Variants in HPCAL1 observed in about 807,000 individuals in gnomAD.
HPCAL1 encodes the protein hippocalcin like 1, also known as hippocalcin-like protein 1.
A neutral mutation model predicts 17.1 loss-of-function variants in HPCAL1; 8 were observed. The ratio of observed to expected loss-of-function variants is 0.47; its 90% CI spans 0.27 to 0.84. HPCAL1 has a LOEUF of 0.84. HPCAL1 is among the 40% of genes least tolerant of loss of function. HPCAL1 has a pLI of 0.13. For missense variants in HPCAL1, 165 were observed against 271.1 expected, an observed-to-expected ratio of 0.61 and a Z score of 2.75; for synonymous variants, 112 against 111.4, an observed-to-expected ratio of 1.01 and a Z score of -0.03.
chr2:10,316,920 C>G (rs1026611830), intron 1 of HPCAL1, among the ~76,000 whole-genome samples: 1 of 152,114 alleles, frequency 6.6e-6, no homozygotes, highest in African/African-American at 2.4e-5. Flanking sequence ...AGGATCTTTA[C>G]CTATGATACC....
chr2:10,399,256 C>T (rs1161003086), intron 2 of HPCAL1, among the ~76,000 whole-genome samples: 29 of 76,906 alleles, frequency 3.8e-4, no homozygotes, highest in Middle Eastern at 7.4e-3. Flanking sequence ...ACCACCACCA[C>T]CACCATCACC....
chr2:10,400,320 C>G (rs1558519738), intron 2 of HPCAL1, among the ~76,000 whole-genome samples: 1 of 152,238 alleles, frequency 6.6e-6, no homozygotes, highest in Non-Finnish European at 1.5e-5. Context: ...CATACGGCAG[C>G]CCTCTGTGTC....
chr2:10,328,662 C>G (rs1273477068), intron 1 of HPCAL1, among the ~76,000 whole-genome samples: 4 of 152,210 alleles, frequency 2.6e-5, no homozygotes, highest in Non-Finnish European at 5.9e-5. Flanking sequence ...ACCGGCTCTC[C>G]TGAGTCTCCA....
At chr2:10,426,479 C>T (rs1307684813) in intron 4 of HPCAL1, 2 of 505,770 alleles carry the variant, frequency 4.0e-6, no homozygotes, top group Non-Finnish European at 7.2e-6. Context: ...TCAGCCACGT[C>T]CTGCTGAGCT....
At chr2:10,361,933 C>G (rs963661965) in intron 1 of HPCAL1, among the ~76,000 whole-genome samples, 13 of 152,188 alleles carry the variant, frequency 8.5e-5, no homozygotes, top group Admixed American at 2.0e-4. Context: ...GCCTCAGACT[C>G]CTGACCTCAA....
intron 1 of HPCAL1, among the ~76,000 whole-genome samples, chr2:10,383,523 C>T (rs1668103572): frequency 6.6e-6 from 1 of 152,042 alleles, no homozygotes; most frequent in African/African-American, 2.4e-5. Context: ...CCACCACACC[C>T]AGCTAATTTT....
At chr2:10,376,049 G>A (rs925603802) in intron 1 of HPCAL1, among the ~76,000 whole-genome samples, 10 of 152,166 alleles carry the variant, frequency 6.6e-5, no homozygotes, top group African/African-American at 1.4e-4. Context: ...CAATTTGGTC[G>A]ATTAAAAGAG....
At position 10,378,181 on chromosome 2, in the gene HPCAL1, G is replaced by T. The variant is rs1412121412; in HGVS notation, c.-110-18654G>T. On this transcript the variant is annotated intron_variant, in intron 1 of 4. Transcript: ENST00000307845. Reference sequence around the variant, plus strand: ...TGCCGTCTTGCAGAGTCAGGATTCTGCAGCTACTTGCCCAAGAAAAAGTAG... The same window carrying T: ...TGCCGTCTTGCAGAGTCAGGATTCTTCAGCTACTTGCCCAAGAAAAAGTAG... 2.0e-5 allele frequency among the ~76,000 whole-genome samples: 3 copies of T among 148,428 alleles called. No individual in the cohort carries two copies. The East Asian group carries it at 5.9e-4, about 29-fold the overall frequency.
chr2:10,334,911 C>T (rs2125429257), intron 1 of HPCAL1, among the ~76,000 whole-genome samples: 1 of 152,326 alleles, frequency 6.6e-6, no homozygotes, highest in East Asian at 1.9e-4. Flanking sequence ...CTCCTGAGCG[C>T]AAGTGAGCCA....
chr2:10,404,396 G>A (rs1669845820), intron 2 of HPCAL1, among the ~76,000 whole-genome samples: 1 of 152,224 alleles, frequency 6.6e-6, no homozygotes, highest in South Asian at 2.1e-4. Flanking sequence ...GCTGAGCTCA[G>A]GTATCAGCCC....
intron 4 of HPCAL1, chr2:10,424,409 C>T (rs917371075): frequency 2.5e-5 from 11 of 446,114 alleles, no homozygotes; most frequent in South Asian, 4.8e-5. Flanking sequence ...GTCCGCTCCT[C>T]GTGGGGATGG....
chr2:10,353,297 T>C (rs1193833263), intron 1 of HPCAL1, among the ~76,000 whole-genome samples: 1 of 152,200 alleles, frequency 6.6e-6, no homozygotes, highest in African/African-American at 2.4e-5. Flanking sequence ...ACCAAGGACA[T>C]TTAACACCTG....
At chr2:10,328,557 GCT>G (rs765084380) in intron 1 of HPCAL1, among the ~76,000 whole-genome samples, 3 of 152,102 alleles carry the variant, frequency 2.0e-5, no homozygotes, top group Non-Finnish European at 2.9e-5. Context: ...GAGTGAATGT[GCT>G]CTCTCTGCTT....
intron 4 of HPCAL1, chr2:10,424,055 T>G (rs1159278034): frequency 6.1e-6 from 1 of 164,012 alleles, no homozygotes; most frequent in African/African-American, 2.4e-5. Flanking sequence ...ATCGCACCAC[T>G]GCACTCCAGC....
At chr2:10,312,253 TACCATC>T (rs879440737) in intron 1 of HPCAL1, among the ~76,000 whole-genome samples, 1 of 137,800 alleles carries the variant, frequency 7.3e-6, no homozygotes, top group Non-Finnish European at 1.6e-5. Flanking sequence ...TCACTATCAT[TACCATC>T]ACCATCACCA....
intron 2 of HPCAL1, among the ~76,000 whole-genome samples, chr2:10,397,515 C>A (rs1669132415): frequency 6.6e-6 from 1 of 152,222 alleles, no homozygotes; most frequent in Non-Finnish European, 1.5e-5. Context: ...CCTGCAGCCC[C>A]CCAGGCCCCT....
chr2:10,365,641 G>A lies in HPCAL1; in HGVS notation c.-110-31194G>A, dbSNP rs1283066701. ...CACCTCCCTCCCCCTTAGCTGCTTC[G>A]AAGCCAAAGGTGTGGCAACAGCTAA... is the stretch of plus-strand genomic sequence containing the variant. On this transcript the variant is annotated intron_variant, in intron 1 of 4. Transcript: ENST00000307845. This position sits in a 1 kb window ranked among gnomAD's most constrained non-coding sequence, Gnocchi z 4.8. Among the ~76,000 whole-genome samples, 2 of 151,636 alleles carry A rather than the reference G, an allele frequency of 1.3e-5. No individual in the cohort carries two copies. The highest frequency in any genetic ancestry group is 2.9e-5 in the Non-Finnish European group (2 of 67,944).
chr2:10,316,179 T>G (rs935385089), intron 1 of HPCAL1, among the ~76,000 whole-genome samples: 3 of 152,200 alleles, frequency 2.0e-5, no homozygotes, highest in African/African-American at 7.2e-5. Context: ...GTTTGAACCT[T>G]GGGTATTTTA....
At chr2:10,374,799 A>G (rs1265847445) in intron 1 of HPCAL1, among the ~76,000 whole-genome samples, 2 of 152,156 alleles carry the variant, frequency 1.3e-5, no homozygotes, top group African/African-American at 4.8e-5. Flanking sequence ...CCTGCCTGTA[A>G]TCTTATCCTT....
Sources: gnomAD v4.1 joint callset for allele counts (sites outside exome capture counted in the v4.1 genomes callset) on GRCh38, gnomAD v4.1.1 for gene constraint, Gnocchi (gnomAD v3.1) non-coding constraint, MANE v1.5 for transcripts, NCBI Gene and HGNC (gene_info 2026-07-23, HGNC 2026-07-21) for gene names.